SEMA5B: variants seen among roughly 807,000 people sequenced by gnomAD.
The protein encoded by SEMA5B is semaphorin-5B.
Under a neutral mutation model 135.0 loss-of-function variants are expected in SEMA5B, and 66 were observed. The ratio of observed to expected loss-of-function variants is 0.49; its 90% CI spans 0.40 to 0.60. The LOEUF (loss-of-function observed/expected upper bound fraction) is 0.60, where lower values mean the gene tolerates loss of function less well. Among genes scored for constraint, SEMA5B ranks in the 20% least tolerant of loss-of-function variants. SEMA5B has a pLI of 0.00. For synonymous variants in SEMA5B, 690 were observed against 639.5 expected (o/e 1.08, Z -1.19); for missense variants, 1,501 against 1,566.3 (o/e 0.96, Z 0.70).
chr3:122,911,876 A>C, intron 20 of SEMA5B, 44 bp downstream of exon 20: 1 of 1,547,202 alleles, frequency 6.5e-7, no homozygotes, highest in East Asian at 2.3e-5. Flanking sequence ...TTGGGAGTGC[A>C]GGCTGGGAAG....
intron 1 of SEMA5B, among the ~76,000 whole-genome samples, chr3:122,986,227 G>A (rs1941691662): frequency 6.6e-6 from 1 of 152,210 alleles, no homozygotes; most frequent in African/African-American, 2.4e-5. Context: ...AGTGTCAGAA[G>A]AAAGTGGATG....
intron 2 of SEMA5B, among the ~76,000 whole-genome samples, chr3:122,957,130 G>A (rs1400566624): frequency 6.6e-6 from 1 of 152,210 alleles, no homozygotes; most frequent in African/African-American, 2.4e-5. Flanking sequence ...TAAAGATTCA[G>A]GAGTTTTCCC....
At chr3:122,928,859 T>C (rs1938793923) in intron 6 of SEMA5B, 137 bp downstream of exon 6, 4 of 870,466 alleles carry the variant, frequency 4.6e-6, no homozygotes, top group Non-Finnish European at 7.1e-6. Context: ...TATCCTCACC[T>C]GCCCAAGGAG....
chr3:122,911,461 G>T, intron 21 of SEMA5B, 30 bp downstream of exon 21: 1 of 1,597,334 alleles, frequency 6.3e-7, no homozygotes, highest in Non-Finnish European at 8.5e-7. Context: ...TGGGAGGACC[G>T]CAGCATGAGG....
At chr3:122,974,459 G>A (rs750437559) in intron 1 of SEMA5B, among the ~76,000 whole-genome samples, 3 of 152,252 alleles carry the variant, frequency 2.0e-5, no homozygotes, top group Non-Finnish European at 4.4e-5. Context: ...GTGCAATGAT[G>A]CAGCCTCACT....
At chr3:122,930,612 T>C (rs552052816) in intron 5 of SEMA5B, among the ~76,000 whole-genome samples, 2 of 152,262 alleles carry the variant, frequency 1.3e-5, no homozygotes, top group South Asian at 4.1e-4. Context: ...GGTCCTCGAG[T>C]CTCTGAGCAG....
At position 122,951,058 on chromosome 3, in the gene SEMA5B, C is replaced by T. The variant is rs535447422; in HGVS notation, c.125-2349G>A. On this transcript the variant is annotated intron_variant, in intron 2 of 22. Coordinates refer to ENST00000357599, the MANE Select transcript of SEMA5B (RefSeq NM_001031702.4). Reference sequence around the variant, plus strand: ...AAGCGATCCTTCCAGCTCAGCCTCTCTAGTGGTTGGGACCACAGGCATGCA... The same window carrying T: ...AAGCGATCCTTCCAGCTCAGCCTCTTTAGTGGTTGGGACCACAGGCATGCA... Among the ~76,000 whole-genome samples the T allele has an allele frequency of 2.6e-5, 4 of 152,282 alleles. No homozygotes were observed. In the East Asian group the frequency reaches 7.7e-4, roughly 29 times the overall value.
rs765172819 is a variant in SEMA5B, at chr3:122,961,145, A to T, written c.119T>A (p.Val40Asp). 12 of 1,611,374 alleles carry T rather than the reference A, an allele frequency of 7.4e-6. No homozygotes were observed. The Admixed American group carries it at 2.0e-4, about 27-fold the overall frequency. ...WTVGGWLLSL[V>D]RGLLPCLPPG... ...ACTCCCCTGGGCACACTTACCCCTG[A>T]CCAGTGAGAGAAGCCAGCCCCCTAC... is the stretch of plus-strand genomic sequence containing the variant. Residue 40 changes from valine (V) to aspartate (D), a missense_variant, in exon 2 of 23, where the codon GTC becomes GAC. Coordinates refer to ENST00000357599, the MANE Select transcript of SEMA5B (RefSeq NM_001031702.4).
chr3:123,013,279 G>C (rs1275737937), intron 1 of SEMA5B, among the ~76,000 whole-genome samples: 1 of 152,156 alleles, frequency 6.6e-6, no homozygotes, highest in Non-Finnish European at 1.5e-5. Context: ...TTTAAAACAG[G>C]CTGCTACAGT....
intron 1 of SEMA5B, among the ~76,000 whole-genome samples, chr3:122,981,988 G>A (rs961543855): frequency 2.0e-5 from 3 of 152,226 alleles, no homozygotes; most frequent in African/African-American, 7.2e-5. Context: ...AGTCAGGGCT[G>A]GAGTGACAGG....
intron 1 of SEMA5B, among the ~76,000 whole-genome samples, chr3:123,022,499 C>T (rs920321780): frequency 1.3e-5 from 2 of 152,132 alleles, no homozygotes; most frequent in African/African-American, 2.4e-5. Flanking sequence ...AGGGAAAGCC[C>T]GATGGAATCC....
At chr3:122,947,899 TTG>T (rs1274368572) in intron 3 of SEMA5B, among the ~76,000 whole-genome samples, 1 of 148,986 alleles carries the variant, frequency 6.7e-6, no homozygotes, top group Non-Finnish European at 1.5e-5. Flanking sequence ...GTGTTTTGTT[TTG>T]TTTTTTTTTA....
At chr3:122,962,951 C>A (rs950911493) in intron 1 of SEMA5B, among the ~76,000 whole-genome samples, 1 of 152,166 alleles carries the variant, frequency 6.6e-6, no homozygotes, top group Non-Finnish European at 1.5e-5. Context: ...GCTACAGGTC[C>A]GATCTGGCCC....
Position 123,008,116 on chromosome 3 carries a change from C to T in SEMA5B, c.-39+19348G>A, listed in dbSNP as rs72972442. On this transcript the variant is annotated intron_variant, in intron 1 of 22. Coordinates refer to ENST00000357599, the MANE Select transcript of SEMA5B (RefSeq NM_001031702.4). ...GCACGCAGAAATAAGTCTGTTATGT[C>T]GAGACAGAACTGTCCTACAGGACAA... Among the ~76,000 whole-genome samples the T allele has an allele frequency of 3.4e-3, 524 of 152,306 alleles. 10 individuals are homozygous for T. Among genetic ancestry groups the T allele is most frequent in the African/African-American group, 0.012 (484 of 41,570 alleles).
intron 1 of SEMA5B, among the ~76,000 whole-genome samples, chr3:123,001,068 C>T (rs1370910353): frequency 2.6e-5 from 4 of 152,062 alleles, no homozygotes; most frequent in Admixed American, 2.6e-4. Context: ...CAAGAGCCCC[C>T]CAGAGCTCAA....
At chr3:122,970,418 C>G (rs1941058468) in intron 1 of SEMA5B, among the ~76,000 whole-genome samples, 1 of 152,208 alleles carries the variant, frequency 6.6e-6, no homozygotes, top group Non-Finnish European at 1.5e-5. Context: ...TTCAGTCAAT[C>G]TAGGGTGGAG....
At chr3:123,013,084 C>T (rs1171450654) in intron 1 of SEMA5B, among the ~76,000 whole-genome samples, 2 of 152,126 alleles carry the variant, frequency 1.3e-5, no homozygotes, top group African/African-American at 2.4e-5. Context: ...GAAGGAAAAG[C>T]GGGAATGAAA....
chr3:122,940,716 C>T (rs1389839801), intron 4 of SEMA5B, among the ~76,000 whole-genome samples: 2 of 152,166 alleles, frequency 1.3e-5, no homozygotes, highest in Non-Finnish European at 2.9e-5. Flanking sequence ...GCTCCAGGCC[C>T]AGGCCCCACT....
intron 1 of SEMA5B, among the ~76,000 whole-genome samples, chr3:123,025,277 T>G (rs1942772485): frequency 6.8e-6 from 1 of 147,788 alleles, no homozygotes; most frequent in African/African-American, 2.7e-5. Context: ...AGTCATCGAG[T>G]TTTTTTTAAC....
Sources: allele counts gnomAD v4.1 joint callset (sites outside exome capture counted in the v4.1 genomes callset), GRCh38; gene constraint gnomAD v4.1.1; transcripts MANE v1.5; gene names NCBI Gene and HGNC (gene_info 2026-07-23, HGNC 2026-07-21).